Variants in SLC47A1 observed in about 807,000 individuals in gnomAD.
The protein encoded by SLC47A1 is multidrug and toxin extrusion protein 1.
In SLC47A1, 58 loss-of-function variants were observed where a neutral mutation model predicts 65.8. The observed-to-expected ratio is 0.88, with a 90% CI of 0.71 to 1.10. The LOEUF is 1.10. Among genes scored for constraint, SLC47A1 ranks in the 50% least tolerant of loss-of-function variants. The pLI, the probability that SLC47A1 is intolerant of heterozygous loss-of-function variation, is 0.00. For missense variants in SLC47A1, 706 were observed against 719.2 expected (o/e 0.98, Z 0.21); for synonymous variants, 285 against 295.0 (o/e 0.97, Z 0.35).
At chr17:19,540,874 A>ACACACACACACACACC (rs1285017210) in intron 1 of SLC47A1, among the ~76,000 whole-genome samples, 17 of 151,334 alleles carry the variant, frequency 1.1e-4, no homozygotes, top group African/African-American at 3.9e-4. Context: ...ACACACACAC[A>ACACACACACACACACC]CACCCCTAGG....
Position 19,549,649 on chromosome 17 carries a change from A to G in SLC47A1, c.470A>G (p.Tyr157Cys), listed in dbSNP as rs762122476. 4 of 1,614,162 alleles carry G rather than the reference A, an allele frequency of 2.5e-6. No homozygotes were observed. Among genetic ancestry groups the G allele is most frequent in the Non-Finnish European group, 3.4e-6 (4 of 1,180,014 alleles). Residue 157 changes from tyrosine to cysteine, a missense_variant, in exon 5 of 17, where the codon TAT (tyrosine) becomes TGT (cysteine). Tyr to Cys is a radical substitution (Grantham distance 194, BLOSUM62 -2). Coordinates refer to ENST00000270570, the MANE Select transcript of SLC47A1 (RefSeq NM_018242.3). Reference sequence around the variant, plus strand: ...TCGTTATTTAGGCTTACCCAGACCTATGTCACGATCTTCATTCCAGCTCTT... The same window carrying G: ...TCGTTATTTAGGCTTACCCAGACCTGTGTCACGATCTTCATTCCAGCTCTT... ...DPDVSRLTQT[Y>C]VTIFIPALPA... is the part of the protein sequence containing the mutation.
intron 3 of SLC47A1, chr17:19,546,889 G>A: frequency 5.3e-6 from 1 of 188,176 alleles, no homozygotes; most frequent in South Asian, 1.2e-4. Flanking sequence ...TAAATGTTCA[G>A]CAACCAGGCC....
intron 4 of SLC47A1, 58 bp from the exon 5 acceptor site, chr17:19,549,577 C>T: frequency 6.5e-7 from 1 of 1,542,510 alleles, no homozygotes. Flanking sequence ...GCCTAACTTT[C>T]CCTGGAAACA....
chr17:19,557,602 C>G, intron 10 of SLC47A1: 1 of 517,162 alleles, frequency 1.9e-6, no homozygotes, highest in Non-Finnish European at 3.9e-6. Context: ...TCCCAGCTGG[C>G]CCATGGGTGA....
At chr17:19,544,929 G>A (rs1029232880) in intron 2 of SLC47A1, among the ~76,000 whole-genome samples, 3 of 152,150 alleles carry the variant, frequency 2.0e-5, no homozygotes, top group African/African-American at 7.2e-5. Flanking sequence ...ATCTGAGATG[G>A]CAGGTTGCAA....
At chr17:19,573,389 A>C (rs1160357282) in intron 16 of SLC47A1, among the ~76,000 whole-genome samples, 1 of 152,198 alleles carries the variant, frequency 6.6e-6, no homozygotes, top group Admixed American at 6.5e-5. Context: ...ACTTCATAGA[A>C]TGGCTGATAC....
chr17:19,543,114 T>G (rs1031875446), intron 2 of SLC47A1, among the ~76,000 whole-genome samples: 9 of 43,072 alleles, frequency 2.1e-4, no homozygotes, highest in African/African-American at 5.9e-4. Flanking sequence ...ATTTCTTTTC[T>G]TTTTTTTTTT....
chr17:19,562,128 C>T (rs973266541), intron 12 of SLC47A1, among the ~76,000 whole-genome samples: 4 of 152,180 alleles, frequency 2.6e-5, no homozygotes, highest in South Asian at 2.1e-4. Context: ...TTACAAAATG[C>T]AAATGGACTT....
intron 13 of SLC47A1, 53 bp from the exon 14 acceptor site, chr17:19,567,043 T>C: frequency 1.9e-6 from 3 of 1,612,092 alleles, no homozygotes; most frequent in Non-Finnish European, 2.5e-6. Flanking sequence ...GAGATGGGAG[T>C]GTTTCAAGAG....
chr17:19,557,810 T>C (rs1328393777), intron 10 of SLC47A1: 1 of 346,076 alleles, frequency 2.9e-6, no homozygotes, highest in African/African-American at 2.1e-5. Context: ...CCATTGTTTC[T>C]CCTTAACAGT....
chr17:19,574,119 C>T (rs1334537092), intron 16 of SLC47A1, among the ~76,000 whole-genome samples: 1 of 151,864 alleles, frequency 6.6e-6, no homozygotes, highest in East Asian at 1.9e-4. Flanking sequence ...TATGGAGTTT[C>T]ACCACGTTGG....
chr17:19,565,946 T>C (rs1418815288), intron 12 of SLC47A1, among the ~76,000 whole-genome samples: 8 of 152,198 alleles, frequency 5.3e-5, no homozygotes, highest in Non-Finnish European at 1.5e-5. Flanking sequence ...TGCGTGCGGT[T>C]ATGAGTATTA....
intron 16 of SLC47A1, among the ~76,000 whole-genome samples, chr17:19,576,477 A>G (rs970124671): frequency 6.6e-6 from 1 of 150,870 alleles, no homozygotes. Flanking sequence ...CAGTCTCCCA[A>G]GTAGTTGGGA....
At chr17:19,543,680 A>G (rs1374514273) in intron 2 of SLC47A1, among the ~76,000 whole-genome samples, 1 of 152,200 alleles carries the variant, frequency 6.6e-6, no homozygotes, top group Middle Eastern at 3.2e-3. Flanking sequence ...AACCAGAGAC[A>G]TGTCATCAAT....
At chr17:19,557,647 C>T (rs774209018) in intron 10 of SLC47A1, 1 of 517,636 alleles carries the variant, frequency 1.9e-6, no homozygotes, top group African/African-American at 1.9e-5. Context: ...AACGTTTGTG[C>T]CTCAGTTACC....
Position 19,553,831 on chromosome 17 carries a change from C to T in SLC47A1, c.544-1381C>T, listed in dbSNP as rs150664985. ...TGCTGGGATTACAGGCGTGACCCAC[C>T]GTGCCCAGCCCTGAATTCATTTCTT... is the stretch of plus-strand genomic sequence containing the variant. On this transcript the variant is annotated intron_variant, in intron 6 of 16. Coordinates refer to ENST00000270570, the MANE Select transcript of SLC47A1 (RefSeq NM_018242.3). Among the ~76,000 whole-genome samples the T allele has an allele frequency of 1.7e-4, 26 of 152,318 alleles. No homozygotes were observed. In the East Asian group the frequency reaches 3.9e-3, roughly 23 times the overall value.
intron 1 of SLC47A1, among the ~76,000 whole-genome samples, chr17:19,536,304 A>C (rs940925729): frequency 6.6e-6 from 1 of 151,586 alleles, no homozygotes; most frequent in Non-Finnish European, 1.5e-5. Context: ...TCTGAAATCC[A>C]GCCCTCCCAG....
In SLC47A1 at chr17:19,567,118, G is replaced by A. The variant is rs752639090; in HGVS notation, c.1199G>A (p.Arg400Lys). The change falls in exon 14 of 17, where the codon AGG becomes AAG. Residue 400 changes from arginine (R) to lysine (K), a missense_variant. Arg to Lys is a conservative substitution (Grantham distance 26). Coordinates refer to ENST00000270570, the MANE Select transcript of SLC47A1 (RefSeq NM_018242.3). ...ALACTSGGVL[R>K]GSGNQKVGAI... ...CAGTGCACGAGTGGTGGTGTTCTGA[G>A]GGGGAGTGGAAATCAGAAGGTTGGA... The A allele has an allele frequency of 1.2e-6, 2 of 1,614,198 alleles. No individual in the cohort carries two copies. Among genetic ancestry groups the A allele is most frequent in the Non-Finnish European group, 1.7e-6 (2 of 1,180,022 alleles).
chr17:19,540,629 GTTC>G (rs1176254525), intron 1 of SLC47A1, among the ~76,000 whole-genome samples: 1 of 152,130 alleles, frequency 6.6e-6, no homozygotes, highest in Non-Finnish European at 1.5e-5. Flanking sequence ...CCAGCATCTG[GTTC>G]TTCATGTCAG....
Sources: gnomAD v4.1 joint callset for allele counts (sites outside exome capture counted in the v4.1 genomes callset) on GRCh38, gnomAD v4.1.1 for gene constraint, MANE v1.5 for transcripts, NCBI Gene and HGNC (gene_info 2026-07-23, HGNC 2026-07-21) for gene names.